Variants in OC90 observed in about 807,000 individuals in gnomAD.
OC90 encodes the protein otoconin-90.
A neutral mutation model predicts 47.3 loss-of-function variants in OC90; 46 were observed. The ratio of observed to expected loss-of-function variants is 0.97; its 90% CI spans 0.77 to 1.24. The LOEUF is 1.24. Ranked by LOEUF, OC90 falls within the 50% of genes most tolerant of loss-of-function variation. OC90 has a pLI of 0.00. For synonymous variants in OC90, 271 were observed against 219.5 expected (o/e 1.23, Z -2.07); for missense variants, 688 against 583.9 (o/e 1.18, Z -1.84).
intron 2 of OC90, 111 bp downstream of exon 2, chr8:132,054,870 T>C (rs1374650508): frequency 6.3e-6 from 4 of 635,488 alleles, no homozygotes; most frequent in Non-Finnish European, 1.1e-5. Flanking sequence ...GATAAGGACA[T>C]TTAAAAGACA....
At chr8:132,054,920 G>A (rs1344749114) in intron 2 of OC90, 61 bp downstream of exon 2, 13 of 1,224,010 alleles carry the variant, frequency 1.1e-5, no homozygotes, top group African/African-American at 1.5e-5. Context: ...TGAAGGGACA[G>A]TATTCAAATG....
At chr8:132,025,343 A>C (rs1822741488) in intron 13 of OC90, among the ~76,000 whole-genome samples, 1 of 152,182 alleles carries the variant, frequency 6.6e-6, no homozygotes, top group Non-Finnish European at 1.5e-5. Flanking sequence ...CTTCCCAATA[A>C]AAACTTAAAA....
At position 132,041,071 on chromosome 8, in the gene OC90, T is replaced by C. The variant is rs7386783; in HGVS notation, c.430A>G (p.Asn144Asp). ...CATATGATCTTCTTGCTGACACAAT[T>C]GACCTCTGTGCTAAGTTTGGCGGGG... Reference protein sequence around the residue: ...QDPAKLSTEVNCVSKKIICES... With the variant: ...QDPAKLSTEVDCVSKKIICES... Residue 144 changes from asparagine (N) to aspartate (D), a missense_variant, in exon 6 of 14, where the codon AAT becomes GAT. By Grantham distance (23) the Asn-to-Asp change is conservative. Coordinates refer to ENST00000254627, the MANE Select transcript of OC90 (RefSeq NM_001080399.3). 0.72 allele frequency: 1,154,309 copies of C among 1,603,954 alleles called. 416,581 individuals carry two copies. Among genetic ancestry groups the C allele is most frequent in the Admixed American group, 0.77 (45,972 of 59,968 alleles).
At chr8:132,047,513 T>A (rs1416874945) in intron 2 of OC90, among the ~76,000 whole-genome samples, 1 of 152,222 alleles carries the variant, frequency 6.6e-6, no homozygotes, top group Non-Finnish European at 1.5e-5. Flanking sequence ...GTAAAAAGTT[T>A]GTTTCATCTG....
chr8:132,032,774 G>A (rs1356108797), intron 11 of OC90, among the ~76,000 whole-genome samples: 1 of 152,088 alleles, frequency 6.6e-6, no homozygotes, highest in Non-Finnish European at 1.5e-5. Context: ...TTTCCCTCTG[G>A]GCCAGTAAAA....
chr8:132,059,090 C>T (rs895423610), intron 1 of OC90, among the ~76,000 whole-genome samples: 1 of 147,766 alleles, frequency 6.8e-6, no homozygotes, highest in Admixed American at 6.8e-5. Flanking sequence ...CCCTCCTTTT[C>T]TTCCTTCATC....
At chr8:132,037,606 AG>A in intron 8 of OC90, 118 bp from the exon 9 acceptor site, 1 of 822,734 alleles carries the variant, frequency 1.2e-6, no homozygotes, top group Non-Finnish European at 2.0e-6. Flanking sequence ...GGGCTGAGAA[AG>A]GGCTTACTAA....
rs1474481129 is a variant in OC90 at position 132,033,279 on chromosome 8, G to T, written c.734-115C>A. On this transcript the variant is annotated intron_variant, in intron 10 of 13. Coordinates refer to ENST00000254627, the MANE Select transcript of OC90 (RefSeq NM_001080399.3). The stretch of plus-strand genomic sequence containing the variant: ...TAGAACAACATAGTGTTAGGAGAAT[G>T]TTCCTCAAACTGGGTTTGCAGATGT... 14 of 1,080,142 alleles carry T rather than the reference G, an allele frequency of 1.3e-5. No homozygotes were observed. In the Admixed American group the frequency reaches 1.4e-4, roughly 11 times the overall value. The allele number at this position is 1,080,142 out of a possible 1,614,324, so 66.9% of individuals were successfully genotyped here.
chr8:132,036,918 T>C (rs543327729), intron 9 of OC90, among the ~76,000 whole-genome samples: 1 of 152,372 alleles, frequency 6.6e-6, no homozygotes, highest in East Asian at 1.9e-4. Context: ...CTGTTTTTTA[T>C]AGCCACACCT....
chr8:132,028,728 A>AAG (rs1266213989), intron 13 of OC90, among the ~76,000 whole-genome samples: 7 of 131,178 alleles, frequency 5.3e-5, no homozygotes, highest in African/African-American at 2.0e-4. Flanking sequence ...AAGAAAGAGA[A>AAG]AGAAAGAAAG....
At position 132,041,130 on chromosome 8, in the gene OC90, T is replaced by A. The variant is rs116946543; in HGVS notation, c.371A>T (p.Tyr124Phe). The change falls in exon 6 of 14, where the codon TAT becomes TTT. Residue 124 changes from tyrosine (Y) to phenylalanine (F), a missense_variant. Transcript: ENST00000254627. The part of the protein sequence containing the change: ...DSCCFQHRRC[Y>F]EEAAEMDCLQ... Reference sequence around the variant, plus strand: ...ACAGTCCATCTCAGCGGCCTCCTCATAGCACCTGCGGTGCTGGAAGCAGCA... The same window carrying A: ...ACAGTCCATCTCAGCGGCCTCCTCAAAGCACCTGCGGTGCTGGAAGCAGCA... 8 of 1,613,614 alleles carry A rather than the reference T, an allele frequency of 5.0e-6. No homozygotes were observed. Among genetic ancestry groups the A allele is most frequent in the Non-Finnish European group, 6.8e-6 (8 of 1,179,570 alleles).
chr8:132,028,547 AAAGAAAGAAAGAAAGAAAGG>A (rs1822799994), intron 13 of OC90, among the ~76,000 whole-genome samples: 1 of 16,298 alleles, frequency 6.1e-5, no homozygotes, highest in African/African-American at 1.9e-4. Context: ...AGAAAGAAAG[AAAGAAAGAAAGAAAGAAAGG>A]AAGGAAGGAA....
chr8:132,043,190 A>G (rs916243139), intron 4 of OC90, among the ~76,000 whole-genome samples: 2 of 152,258 alleles, frequency 1.3e-5, no homozygotes, highest in Admixed American at 6.5e-5. Context: ...AGCATCCTTT[A>G]GGTGTCAGAA....
At position 132,024,484 on chromosome 8, in the gene OC90, T is replaced by A. The variant is rs1802337446; in HGVS notation, c.1431A>T (p.Arg477Ser). The part of the protein sequence containing the change: ...GPLGIGPLHG[R>S] ...GTTAGCCATTTTCTCTGGGCATCTA[T>A]CTTCCATGAAGAGGCCCGATCCCCA... Residue 477 changes from arginine to serine, a missense_variant, in exon 14 of 14, where the codon AGA becomes AGT. Coordinates refer to ENST00000254627, the MANE Select transcript of OC90 (RefSeq NM_001080399.3). The A allele has an allele frequency of 6.5e-7, 1 of 1,538,080 alleles. No individual in the cohort carries two copies. Among genetic ancestry groups the A allele is most frequent in the Non-Finnish European group, 8.8e-7 (1 of 1,142,180 alleles).
chr8:132,035,198 G>C (rs542659862), intron 9 of OC90, among the ~76,000 whole-genome samples: 2 of 152,354 alleles, frequency 1.3e-5, no homozygotes, highest in East Asian at 3.9e-4. Flanking sequence ...GAATTGCGTG[G>C]TTGAAGTTGT....
chr8:132,045,527 T>C (rs191852172), intron 3 of OC90, among the ~76,000 whole-genome samples: 21 of 152,346 alleles, frequency 1.4e-4, no homozygotes, highest in Non-Finnish European at 2.1e-4. Context: ...ATACAATTAA[T>C]ATATAACCTT....
In OC90 at chr8:132,026,394, C is replaced by T. The variant is rs377705404; in HGVS notation, c.1139-1618G>A. On this transcript the variant is annotated intron_variant, in intron 13 of 13. Coordinates refer to ENST00000254627, the MANE Select transcript of OC90 (RefSeq NM_001080399.3). Reference sequence around the variant, plus strand: ...TCCAAGCCTCCTAACTTGGTCTCCACGTCAGCCCCAGACATGCCAGTTGCA... The same window carrying T: ...TCCAAGCCTCCTAACTTGGTCTCCATGTCAGCCCCAGACATGCCAGTTGCA... Among the ~76,000 whole-genome samples, 10 of 152,192 alleles carry T rather than the reference C, an allele frequency of 6.6e-5. No individual in the cohort carries two copies. In the East Asian group the frequency reaches 7.7e-4, roughly 12 times the overall value.
At chr8:132,028,970 A>C in intron 13 of OC90, 103 bp downstream of exon 13, 1 of 775,506 alleles carries the variant, frequency 1.3e-6, no homozygotes, top group South Asian at 1.4e-5. Context: ...AAAGAGTATT[A>C]AGTCACAGTT....
chr8:132,038,976 G>A lies in OC90; in HGVS notation c.586+19C>T. ...CCAGATCCTCAGCCCCACGGCTGAT[G>A]CAGCCAGGTTCTTCCTACCTGGAGT... is the stretch of plus-strand genomic sequence containing the variant. On this transcript the variant is annotated intron_variant, in intron 7 of 13. Coordinates refer to ENST00000254627, the MANE Select transcript of OC90 (RefSeq NM_001080399.3). The A allele has an allele frequency of 6.2e-7, 1 of 1,613,910 alleles. No homozygotes were observed. Among genetic ancestry groups the A allele is most frequent in the East Asian group, 2.2e-5 (1 of 44,878 alleles).
Sources: gnomAD v4.1 joint callset for allele counts (sites outside exome capture counted in the v4.1 genomes callset) on GRCh38, gnomAD v4.1.1 for gene constraint, MANE v1.5 for transcripts, NCBI Gene and HGNC (gene_info 2026-07-23, HGNC 2026-07-21) for gene names.